The following NKAIN3 variants were observed in gnomAD, a reference collection of about 807,000 sequenced individuals.
NKAIN3 encodes sodium/potassium-transporting ATPase subunit beta-1-interacting protein 3.
Under a neutral mutation model 30.2 loss-of-function variants are expected in NKAIN3, and 25 were observed. The ratio of observed to expected loss-of-function variants is 0.83; its 90% CI spans 0.60 to 1.16. The LOEUF (loss-of-function observed/expected upper bound fraction) is 1.16, where lower values mean the gene tolerates loss of function less well. Ranked by LOEUF, NKAIN3 falls within the 50% of genes most tolerant of loss-of-function variation. The pLI, the probability that NKAIN3 is intolerant of heterozygous loss-of-function variation, is 0.00. For missense variants in NKAIN3, 225 were observed against 254.1 expected (o/e 0.89, Z 0.78); for synonymous variants, 91 against 89.6 (o/e 1.02, Z -0.09).
intron 1 of NKAIN3, among the ~76,000 whole-genome samples, chr8:62,286,591 T>C (rs1466257444): frequency 1.3e-5 from 2 of 152,158 alleles, no homozygotes; most frequent in African/African-American, 4.8e-5. Flanking sequence ...CAAATAGTAT[T>C]CTTGGCCAGT....
In NKAIN3 at chr8:62,676,384, C is replaced by T. The variant is rs370354066; in HGVS notation, c.274-70548C>T. Among the ~76,000 whole-genome samples, 420 of 152,164 alleles carry T rather than the reference C, an allele frequency of 2.8e-3. 3 individuals are homozygous for T. The highest frequency in any genetic ancestry group is 9.2e-3 in the African/African-American group (382 of 41,516). ...GAGGTCGAGACCATCCTGGCTAACA[C>T]GGTGAAACCCCGTCTCTACTAAAAA... On this transcript the variant is annotated intron_variant, in intron 3 of 6. Coordinates refer to ENST00000623646, the MANE Select transcript of NKAIN3 (RefSeq NM_001304533.3).
At chr8:62,371,928 T>G (rs574259309) in intron 1 of NKAIN3, among the ~76,000 whole-genome samples, 7 of 152,088 alleles carry the variant, frequency 4.6e-5, no homozygotes, top group Middle Eastern at 3.4e-3. Context: ...GACAGAGAAG[T>G]CTCCATTTAC....
At chr8:62,529,047 C>T (rs1002483753) in intron 1 of NKAIN3, among the ~76,000 whole-genome samples, 1 of 152,084 alleles carries the variant, frequency 6.6e-6, no homozygotes, top group Non-Finnish European at 1.5e-5. Flanking sequence ...GCTAGACAAG[C>T]AGCTCTCAAT....
At chr8:62,593,488 C>A (rs993206620) in intron 3 of NKAIN3, among the ~76,000 whole-genome samples, 2 of 151,804 alleles carry the variant, frequency 1.3e-5, no homozygotes, top group Non-Finnish European at 2.9e-5. Flanking sequence ...TGACTAATAT[C>A]TCATAGTTGG....
intron 3 of NKAIN3, among the ~76,000 whole-genome samples, chr8:62,680,058 G>A (rs909109130): frequency 1.3e-5 from 2 of 152,174 alleles, no homozygotes; most frequent in Non-Finnish European, 2.9e-5. Context: ...CAGATAGATT[G>A]AAAGCATGAG....
rs1387454299 is a variant in NKAIN3, at chr8:62,969,870, CT to C, written c.*4465del. On this transcript the variant is annotated 3_prime_UTR_variant, in exon 7 of 7. Coordinates refer to ENST00000623646, the MANE Select transcript of NKAIN3 (RefSeq NM_001304533.3). ...AAGTGAACTGACAGAGGAAAGTACT[CT>C]TCATATAACTGCACAGTGAACAATT... 1.3e-5 allele frequency among the ~76,000 whole-genome samples: 2 copies of C among 152,016 alleles called. No homozygotes were observed. Among genetic ancestry groups the C allele is most frequent in the Non-Finnish European group, 2.9e-5 (2 of 68,004 alleles).
At chr8:62,521,707 A>G (rs769904854) in intron 1 of NKAIN3, among the ~76,000 whole-genome samples, 4 of 152,064 alleles carry the variant, frequency 2.6e-5, no homozygotes, top group African/African-American at 7.2e-5. Context: ...TCTCTACAAT[A>G]TTGTTTCCCA....
chr8:62,559,878 A>G (rs964581446), intron 1 of NKAIN3, among the ~76,000 whole-genome samples: 9 of 152,032 alleles, frequency 5.9e-5, no homozygotes, highest in Admixed American at 2.0e-4. Context: ...TGTTGCTTCA[A>G]AATTTCTTAT....
intron 3 of NKAIN3, among the ~76,000 whole-genome samples, chr8:62,744,595 G>A (rs1239773418): frequency 2.6e-5 from 4 of 152,168 alleles, no homozygotes; most frequent in African/African-American, 9.6e-5. Flanking sequence ...CTATTAAGAT[G>A]AGAAATAATG....
At chr8:62,629,852 G>A (rs746997619) in intron 3 of NKAIN3, among the ~76,000 whole-genome samples, 14 of 152,106 alleles carry the variant, frequency 9.2e-5, no homozygotes, top group Non-Finnish European at 1.5e-4. Flanking sequence ...ATATGGATCT[G>A]TATTCAAAGG....
intron 1 of NKAIN3, among the ~76,000 whole-genome samples, chr8:62,334,643 A>T (rs1302823001): frequency 2.0e-5 from 3 of 152,122 alleles, no homozygotes; most frequent in Non-Finnish European, 4.4e-5. Context: ...ATCTATTGCT[A>T]CATAACAAAT....
At chr8:62,545,694 T>C (rs748686760) in intron 1 of NKAIN3, among the ~76,000 whole-genome samples, 2 of 152,240 alleles carry the variant, frequency 1.3e-5, no homozygotes, top group Non-Finnish European at 2.9e-5. Flanking sequence ...AACTCTCCAA[T>C]TGACAGACAC....
intron 4 of NKAIN3, chr8:62,855,197 T>A: frequency 3.2e-6 from 1 of 316,764 alleles, no homozygotes; most frequent in South Asian, 3.5e-5. Context: ...TCAACTTCTA[T>A]TGGGCAGACT....
At chr8:62,834,558 A>T (rs1819301453) in intron 4 of NKAIN3, among the ~76,000 whole-genome samples, 1 of 151,998 alleles carries the variant, frequency 6.6e-6, no homozygotes, top group Non-Finnish European at 1.5e-5. Flanking sequence ...CCAAAACAAA[A>T]ATGCAATTCC....
chr8:62,431,846 A>C (rs1805009061), intron 1 of NKAIN3, among the ~76,000 whole-genome samples: 1 of 141,956 alleles, frequency 7.0e-6, no homozygotes, highest in African/African-American at 2.7e-5. Flanking sequence ...GGAGAACTGA[A>C]GAGAAGCTTA....
chr8:62,746,808 T>C (rs975688), intron 3 of NKAIN3, 124 bp from the exon 4 acceptor site: 381,167 of 641,084 alleles, frequency 0.59, 118,212 homozygotes, highest in Non-Finnish European at 0.66. Flanking sequence ...CTTTTGTTAC[T>C]TTTCACTTGA....
rs768219252 is a variant in NKAIN3, at chr8:62,974,102, G to A, written c.*8695G>A. ...ATAGTTTGAAGTTAGGTAGCATGAT[G>A]CCTCCAGCTTTGTTCTTTTTGCTTA... On this transcript the variant is annotated 3_prime_UTR_variant, in exon 7 of 7. Transcript: ENST00000623646. Among the ~76,000 whole-genome samples the A allele has an allele frequency of 2.9e-4, 44 of 152,314 alleles. No individual in the cohort carries two copies. The highest frequency in any genetic ancestry group is 6.8e-3 in the Middle Eastern group (2 of 294).
chr8:62,617,300 C>A (rs892340198), intron 3 of NKAIN3, among the ~76,000 whole-genome samples: 3 of 152,146 alleles, frequency 2.0e-5, no homozygotes. Flanking sequence ...AAAAGACACT[C>A]CCATTACCCA....
chr8:62,626,070 G>T (rs1811778558), intron 3 of NKAIN3, among the ~76,000 whole-genome samples: 1 of 152,046 alleles, frequency 6.6e-6, no homozygotes, highest in Non-Finnish European at 1.5e-5. Flanking sequence ...TAGTGTTTGA[G>T]TTCTCTTGCC....
Sources: gnomAD v4.1 joint callset for allele counts (sites outside exome capture counted in the v4.1 genomes callset) on GRCh38, gnomAD v4.1.1 for gene constraint, MANE v1.5 for transcripts, NCBI Gene and HGNC (gene_info 2026-07-23, HGNC 2026-07-21) for gene names.